Variants in ABCC1 observed in about 807,000 individuals in gnomAD.
ABCC1 encodes ATP binding cassette subfamily C member 1 (ABCC1 blood group), also known as multidrug resistance-associated protein 1.
ABCC1 carries 83 observed loss-of-function variants against 172.9 expected under a neutral mutation model. The ratio of observed to expected loss-of-function variants is 0.48; its 90% CI spans 0.40 to 0.58. ABCC1 has a LOEUF of 0.58. Ranked by LOEUF, ABCC1 falls within the 20% of genes least tolerant of loss-of-function variation. The pLI is 0.00. For synonymous variants in ABCC1, 937 were observed against 825.2 expected (o/e 1.14, Z -2.32); for missense variants, 1,817 against 2,002.7 (o/e 0.91, Z 1.77).
intron 19 of ABCC1, chr16:16,098,769 C>A: frequency 9.3e-7 from 1 of 1,078,278 alleles, no homozygotes. Flanking sequence ...TTGCCTCTCC[C>A]CCTTTAGAAA....
At chr16:16,035,763 A>G (rs936481798) in intron 6 of ABCC1, among the ~76,000 whole-genome samples, 2 of 151,852 alleles carry the variant, frequency 1.3e-5, no homozygotes, top group African/African-American at 2.4e-5. Flanking sequence ...CCAGAGCGCT[A>G]GGATTATAGA....
chr16:16,019,492 G>A (rs1355400344), intron 5 of ABCC1, among the ~76,000 whole-genome samples: 1 of 152,180 alleles, frequency 6.6e-6, no homozygotes, highest in African/African-American at 2.4e-5. Context: ...GGTAAACAGA[G>A]TCTGGTTGGG....
intron 1 of ABCC1, among the ~76,000 whole-genome samples, chr16:15,993,518 A>G (rs2046945848): frequency 6.6e-6 from 1 of 152,096 alleles, no homozygotes; most frequent in African/African-American, 2.4e-5. Flanking sequence ...GATTGTCATA[A>G]CTTGAGGAGG....
chr16:16,104,638 AGCTGCCT>A (rs2051979118), intron 20 of ABCC1, among the ~76,000 whole-genome samples: 1 of 152,182 alleles, frequency 6.6e-6, no homozygotes, highest in Non-Finnish European at 1.5e-5. Context: ...CTGCAGGTGG[AGCTGCCT>A]GCCAGTCCCG....
chr16:15,960,996 G>A (rs1031036332), intron 1 of ABCC1, among the ~76,000 whole-genome samples: 3 of 133,912 alleles, frequency 2.2e-5, no homozygotes, highest in Admixed American at 8.4e-5. Flanking sequence ...TGAATGAAAC[G>A]CAGGTTTTTT....
intron 1 of ABCC1, among the ~76,000 whole-genome samples, chr16:15,988,146 G>A (rs888365785): frequency 1.3e-5 from 2 of 152,026 alleles, no homozygotes; most frequent in African/African-American, 4.8e-5. Context: ...TTGAACTCCT[G>A]GCCTCAAGTG....
chr16:16,041,099 T>A (rs2048962071), intron 7 of ABCC1, among the ~76,000 whole-genome samples: 1 of 150,070 alleles, frequency 6.7e-6, no homozygotes, highest in Non-Finnish European at 1.5e-5. Flanking sequence ...GGCTAATTTT[T>A]TTTTTTTTTT....
intron 7 of ABCC1, among the ~76,000 whole-genome samples, chr16:16,041,094 ATTTTT>A (rs35254618): frequency 7.5e-6 from 1 of 133,090 alleles, no homozygotes; most frequent in Admixed American, 7.5e-5. Flanking sequence ...CACCTGGCTA[ATTTTT>A]TTTTTTTTTT....
At chr16:15,960,093 G>T (rs2046094492) in intron 1 of ABCC1, among the ~76,000 whole-genome samples, 1 of 152,144 alleles carries the variant, frequency 6.6e-6, no homozygotes, top group South Asian at 2.1e-4. Context: ...AGAAATTTGT[G>T]TGGTGTTTGA....
At chr16:15,970,763 T>C (rs1196692340) in intron 1 of ABCC1, among the ~76,000 whole-genome samples, 2 of 152,184 alleles carry the variant, frequency 1.3e-5, no homozygotes, top group African/African-American at 4.8e-5. Flanking sequence ...AAATTATATA[T>C]ATATTTTAAT....
intron 20 of ABCC1, among the ~76,000 whole-genome samples, chr16:16,104,770 T>G (rs1474576839): frequency 1.3e-5 from 2 of 151,612 alleles, no homozygotes. Flanking sequence ...AGCGGGGAGG[T>G]GGGGAGGCTC....
chr16:16,031,777 A>G (rs2048567157), intron 5 of ABCC1, among the ~76,000 whole-genome samples: 1 of 151,988 alleles, frequency 6.6e-6, no homozygotes, highest in African/African-American at 2.4e-5. Context: ...GCCCCCATGC[A>G]CTTACTTTGT....
In ABCC1 at chr16:16,079,199, G is replaced by A. The variant is rs557237613; in HGVS notation, c.1989-153G>A. The stretch of plus-strand genomic sequence containing the variant: ...CTGAACTGAACTCAGCAGTAGAAAT[G>A]GAAGGAATGTTGAGGCCTTCAGTGT... On this transcript the variant is annotated intron_variant, in intron 15 of 30. Transcript: ENST00000399410. Among the ~76,000 whole-genome samples, 6 of 152,294 alleles carry A rather than the reference G, an allele frequency of 3.9e-5. No homozygotes were observed. The East Asian group carries it at 1.2e-3, about 29-fold the overall frequency.
chr16:16,098,894 A>G, intron 19 of ABCC1: 2 of 1,352,100 alleles, frequency 1.5e-6, no homozygotes, highest in Non-Finnish European at 9.8e-7. Flanking sequence ...ATGGACGAGG[A>G]GGAAGCAGGT....
chr16:16,047,753 C>T (rs2049271974), intron 9 of ABCC1, among the ~76,000 whole-genome samples: 1 of 152,086 alleles, frequency 6.6e-6, no homozygotes, highest in African/African-American at 2.4e-5. Context: ...AGCACTGACA[C>T]AGCCTGGAAG....
Position 16,136,529 on chromosome 16 carries a change from C to G in ABCC1, c.4177C>G (p.Gln1393Glu). 6.2e-7 allele frequency: 1 copy of G among 1,614,172 alleles called. No homozygotes were observed. Among genetic ancestry groups the G allele is most frequent in the Non-Finnish European group, 8.5e-7 (1 of 1,180,038 alleles). The change falls in exon 29 of 31, where the codon CAG becomes GAG. Residue 1393 changes from glutamine (Q) to glutamate (E), a missense_variant. Physicochemically the swap from Gln to Glu is conservative, Grantham distance 29 (BLOSUM62 2). Coordinates refer to ENST00000399410, the MANE Select transcript of ABCC1 (RefSeq NM_004996.4). ...SLRMNLDPFS[Q>E]YSDEEVWTSL... ...CCGAATGAACCTGGACCCATTCAGCCAGTACTCGGATGAAGAAGTCTGGAC... is the reference window on the plus strand; with the variant it reads ...CCGAATGAACCTGGACCCATTCAGCGAGTACTCGGATGAAGAAGTCTGGAC...
chr16:15,972,282 T>G (rs1362811716), intron 1 of ABCC1, among the ~76,000 whole-genome samples: 1 of 152,184 alleles, frequency 6.6e-6, no homozygotes, highest in Non-Finnish European at 1.5e-5. Context: ...GACATCTATC[T>G]CTTACCTTGT....
At chr16:16,026,109 T>A (rs1411922251) in intron 5 of ABCC1, among the ~76,000 whole-genome samples, 1 of 152,104 alleles carries the variant, frequency 6.6e-6, no homozygotes, top group African/African-American at 2.4e-5. Context: ...TTGTCTTTGT[T>A]GTCAAGTAAG....
rs147247948 is a variant in ABCC1 at position 15,960,371 on chromosome 16, C to T, written c.48+10572C>T. Reference sequence around the variant, plus strand: ...AGGTGTGAGCCACCACGCCCAGCCTCGTGTGGTCTTTGATACCCCTGGGTT... The same window carrying T: ...AGGTGTGAGCCACCACGCCCAGCCTTGTGTGGTCTTTGATACCCCTGGGTT... On this transcript the variant is annotated intron_variant, in intron 1 of 30. Transcript: ENST00000399410. 2.0e-3 allele frequency among the ~76,000 whole-genome samples: 302 copies of T among 152,206 alleles called. 1 individual carries two copies. The highest frequency in any genetic ancestry group is 6.8e-3 in the African/African-American group (284 of 41,536).
Sources: gnomAD v4.1 joint callset for allele counts (sites outside exome capture counted in the v4.1 genomes callset) on GRCh38, gnomAD v4.1.1 for gene constraint, MANE v1.5 for transcripts, NCBI Gene and HGNC (gene_info 2026-07-23, HGNC 2026-07-21) for gene names.